LAMB3: variants seen among roughly 807,000 people sequenced by gnomAD.
LAMB3 encodes laminin subunit beta 3, also known as laminin subunit beta-3.
Under a neutral mutation model 140.3 loss-of-function variants are expected in LAMB3, and 104 were observed. The ratio of observed to expected loss-of-function variants is 0.74; its 90% CI spans 0.63 to 0.87. The LOEUF is 0.87. LAMB3 is among the 40% of genes least tolerant of loss of function. The pLI is 0.00. For synonymous variants in LAMB3, 592 were observed against 602.9 expected, an observed-to-expected ratio of 0.98 and a Z score of 0.26; for missense variants, 1,531 against 1,575.2, an observed-to-expected ratio of 0.97 and a Z score of 0.47.
chr1:209,647,425 G>A (rs2076527864), intron 3 of LAMB3, among the ~76,000 whole-genome samples: 1 of 152,202 alleles, frequency 6.6e-6, no homozygotes, highest in African/African-American at 2.4e-5. Context: ...GAGTGAGCAA[G>A]GCAGAAATGT....
rs1182425698 is a variant in LAMB3 at position 209,618,535 on chromosome 1, G to A, written c.2826C>T (p.Leu942=). The change falls in exon 19 of 23, where the codon CTC becomes CTT. Residue 942 remains leucine, a synonymous_variant. Coordinates refer to ENST00000356082, the MANE Select transcript of LAMB3 (RefSeq NM_000228.3). ...GGGACAGCACCAAGTCCACGTTGGGGAGCCTGGCTGCAATGGCCTGGATCT... is the reference window on the plus strand; with the variant it reads ...GGGACAGCACCAAGTCCACGTTGGGAAGCCTGGCTGCAATGGCCTGGATCT... ...MNEIQAIAAR[L]PNVDLVLSQT... 4 of 1,614,156 alleles carry A rather than the reference G, an allele frequency of 2.5e-6. No homozygotes were observed. The highest frequency in any genetic ancestry group is 1.6e-4 in the Middle Eastern group (1 of 6,084).
In LAMB3 at chr1:209,625,699, G is replaced by T; in HGVS notation, c.1925C>A (p.Ala642Glu). The T allele has an allele frequency of 1.2e-6, 2 of 1,614,176 alleles. No homozygotes were observed. The highest frequency in any genetic ancestry group is 1.7e-6 in the Non-Finnish European group (2 of 1,180,016). ...CTGAGCCACCTCCTGCTCTGTGACT[G>T]CGGGGCTGCTGAGAACTGCTCGGAT... ...EQIRAVLSSP[A>E]VTEQEVAQVA... The change falls in exon 14 of 23, where the codon GCA (alanine) becomes GAA (glutamate). Residue 642 changes from alanine (A) to glutamate (E), a missense_variant. By Grantham distance (107) the Ala-to-Glu change is moderately radical. Transcript: ENST00000356082.
intron 6 of LAMB3, among the ~76,000 whole-genome samples, chr1:209,633,791 C>A (rs74156218): frequency 6.6e-6 from 1 of 152,104 alleles, no homozygotes; most frequent in African/African-American, 2.4e-5. Context: ...TCTGAGGGCT[C>A]ACCTGTGTCT....
chr1:209,630,763 A>G, intron 8 of LAMB3, 28 bp from the exon 9 acceptor site: 1 of 1,612,504 alleles, frequency 6.2e-7, no homozygotes, highest in Non-Finnish European at 8.5e-7. Flanking sequence ...AGCCATCAGG[A>G]GTAATCAACA....
In LAMB3 at chr1:209,638,464, G is replaced by C. The variant is rs1012794884; in HGVS notation, c.298+70C>G. The C allele has an allele frequency of 1.2e-5, 12 of 1,013,662 alleles. No homozygotes were observed. The East Asian group carries it at 1.9e-4, about 16-fold the overall frequency. The allele number at this position is 1,013,662 out of a possible 1,614,324, so 62.8% of individuals were successfully genotyped here. ...TGCCTGGGAAACCCAAAGGGTTATAGGGCACCTTCCATCCGTCTTATCCTG... is the reference window on the plus strand; with the variant it reads ...TGCCTGGGAAACCCAAAGGGTTATACGGCACCTTCCATCCGTCTTATCCTG... On this transcript the variant is annotated intron_variant, in intron 4 of 22. Coordinates refer to ENST00000356082, the MANE Select transcript of LAMB3 (RefSeq NM_000228.3).
rs1035352044 is a variant in LAMB3, at chr1:209,628,201, A to C, written c.1133-11T>G. The C allele has an allele frequency of 4.5e-6, 7 of 1,554,028 alleles. No individual in the cohort carries two copies. In the East Asian group the frequency reaches 7.3e-5, roughly 16 times the overall value. On this transcript the variant is annotated splice_polypyrimidine_tract_variant and intron_variant, in intron 10 of 22. Coordinates refer to ENST00000356082, the MANE Select transcript of LAMB3 (RefSeq NM_000228.3). ...GATCACACTCGCAGGCTGAGAGACA[A>C]CAGCAGCCACCGCAGTAGGAACAAA...
chr1:209,638,721 C>T (rs1571829446), intron 3 of LAMB3, 73 bp from the exon 4 acceptor site: 2 of 845,926 alleles, frequency 2.4e-6, no homozygotes, highest in East Asian at 5.1e-5. Flanking sequence ...CCTGAGATCC[C>T]AGCATATCTC....
In LAMB3 at chr1:209,624,108, T is replaced by A. The variant is rs897652510; in HGVS notation, c.1977-108A>T. 40 of 948,494 alleles carry A rather than the reference T, an allele frequency of 4.2e-5. 1 individual carries two copies. The highest frequency in any genetic ancestry group is 4.1e-4 in the South Asian group (26 of 63,392). 58.8% of individuals were successfully genotyped at this position (948,494 alleles called of 1,614,324 possible). ...ACTGAGTCAGAACAAACAGAGACCT[T>A]GGGCAAAGGCAACAGAACAGAGAAT... On this transcript the variant is annotated intron_variant, in intron 14 of 22. Transcript: ENST00000356082.
In LAMB3 at chr1:209,623,724, T is replaced by C. The variant is rs755864689; in HGVS notation, c.2139A>G (p.Gly713=). The change falls in exon 16 of 23, where the codon GGA becomes GGG. Residue 713 remains glycine, a splice_region_variant and synonymous_variant. Coordinates refer to ENST00000356082, the MANE Select transcript of LAMB3 (RefSeq NM_000228.3). This position sits in a 1 kb window ranked among gnomAD's most constrained non-coding sequence, Gnocchi z 4.2. The part of the protein sequence containing the change: ...FEKISSADPS[G]AFRMLSTAYE... ...AGGCTGTGCTCAGCATCCGGAAGGC[T>C]CCTGTGGCGAGAAGCATGAGGAATG... 1.2e-6 allele frequency: 2 copies of C among 1,613,934 alleles called. No homozygotes were observed. Among genetic ancestry groups the C allele is most frequent in the South Asian group, 2.2e-5 (2 of 91,086 alleles).
Position 209,615,240 on chromosome 1 carries a change from T to C in LAMB3, c.*31A>G, listed in dbSNP as rs1280746095. 6.2e-7 allele frequency: 1 copy of C among 1,613,878 alleles called. No homozygotes were observed. Among genetic ancestry groups the C allele is most frequent in the East Asian group, 2.2e-5 (1 of 44,892 alleles). ...CCCAACCAAAAGCAAAGGCGGCAGA[T>C]GAGTGGGGCAACGGGCTGGAAGCTG... On this transcript the variant is annotated 3_prime_UTR_variant, in exon 23 of 23. Transcript: ENST00000356082.
intron 18 of LAMB3, among the ~76,000 whole-genome samples, chr1:209,619,114 G>A (rs1666100162): frequency 6.6e-6 from 1 of 152,218 alleles, no homozygotes; most frequent in African/African-American, 2.4e-5. Context: ...TTTGTGCAAA[G>A]GCAAATAAGA....
intron 5 of LAMB3, 63 bp downstream of exon 5, chr1:209,637,845 G>A (rs1666941692): frequency 7.6e-7 from 1 of 1,315,508 alleles, no homozygotes; most frequent in South Asian, 1.2e-5. Flanking sequence ...GCTCCTCCAT[G>A]GCTCCACGCC....
intron 22 of LAMB3, among the ~76,000 whole-genome samples, chr1:209,616,001 C>G (rs1665946000): frequency 6.6e-6 from 1 of 152,100 alleles, no homozygotes; most frequent in Non-Finnish European, 1.5e-5. Flanking sequence ...ACACCCTTAT[C>G]CTAATGTCCC....
At position 209,623,765 on chromosome 1, in the gene LAMB3, C is replaced by T; in HGVS notation, c.2138-40G>A. ...ATGAGGAATGGAGATGGAGGAGGAG[C>T]AGGAGGGAGAGGGGGTGGCATGCCC... On this transcript the variant is annotated intron_variant, in intron 15 of 22. Coordinates refer to ENST00000356082, the MANE Select transcript of LAMB3 (RefSeq NM_000228.3). This position sits in a 1 kb window ranked among gnomAD's most constrained non-coding sequence, Gnocchi z 4.2. The T allele has an allele frequency of 6.2e-7, 1 of 1,613,498 alleles. No homozygotes were observed. Among genetic ancestry groups the T allele is most frequent in the Non-Finnish European group, 8.5e-7 (1 of 1,179,616 alleles).
rs1666910117 is a variant in LAMB3, at chr1:209,636,821, G to A, written c.372+1087C>T. On this transcript the variant is annotated intron_variant, in intron 5 of 22. Transcript: ENST00000356082. ...AGCCCTCCCAAGACAGACCATGCAAGAGCCCCATTCTGGGCTCCCAGCACC... is the reference window on the plus strand; with the variant it reads ...AGCCCTCCCAAGACAGACCATGCAAAAGCCCCATTCTGGGCTCCCAGCACC... Among the ~76,000 whole-genome samples, 5 of 152,326 alleles carry A rather than the reference G, an allele frequency of 3.3e-5. No homozygotes were observed. The South Asian group carries it at 1.0e-3, about 32-fold the overall frequency.
chr1:209,639,577 A>G (rs2076445490), intron 3 of LAMB3, among the ~76,000 whole-genome samples: 1 of 152,158 alleles, frequency 6.6e-6, no homozygotes, highest in African/African-American at 2.4e-5. Context: ...GAGAGGCGAT[A>G]TATCCCTTGT....
Position 209,618,658 on chromosome 1 carries a change from G to A in LAMB3, c.2703C>T (p.Asp901=), listed in dbSNP as rs1478616926. ...LIQQVRDFLT[D]PDTDAATIQE... ...GGATAGTGGCTGCATCAGTGTCGGG[G>A]TCTGGAAGACAACACGCATTTGACT... The change falls in exon 19 of 23, where the codon GAC becomes GAT. Residue 901 remains aspartate, a splice_region_variant and synonymous_variant. Transcript: ENST00000356082. 1.0e-5 allele frequency: 15 copies of A among 1,495,320 alleles called. 1 individual carries two copies. The highest frequency in any genetic ancestry group is 1.7e-4 in the Middle Eastern group (1 of 5,834). The allele number at this position is 1,495,320 out of a possible 1,614,324, so 92.6% of individuals were successfully genotyped here.
Position 209,650,955 on chromosome 1 carries a change from T to C in LAMB3, c.-11A>G. On this transcript the variant is annotated 5_prime_UTR_variant, in exon 2 of 23. Transcript: ENST00000356082. Reference sequence around the variant, plus strand: ...GAAGAATGGTCTCATCTTCAGCCAATGGGGTGATCCCCAGAAAGGACCTTT... The same window carrying C: ...GAAGAATGGTCTCATCTTCAGCCAACGGGGTGATCCCCAGAAAGGACCTTT... The C allele has an allele frequency of 6.2e-7, 1 of 1,614,120 alleles. No homozygotes were observed. The highest frequency in any genetic ancestry group is 8.5e-7 in the Non-Finnish European group (1 of 1,179,980).
intron 18 of LAMB3, among the ~76,000 whole-genome samples, chr1:209,621,361 C>T (rs975453253): frequency 1.3e-5 from 2 of 152,222 alleles, no homozygotes; most frequent in Non-Finnish European, 2.9e-5. Flanking sequence ...TGCCTCAAGG[C>T]CTTATGCAAG....
Sources: allele counts gnomAD v4.1 joint callset (sites outside exome capture counted in the v4.1 genomes callset), GRCh38; gene constraint gnomAD v4.1.1; non-coding constraint Gnocchi (gnomAD v3.1); transcripts MANE v1.5; gene names NCBI Gene and HGNC (gene_info 2026-07-23, HGNC 2026-07-21).